PMPCB: variants seen among roughly 807,000 people sequenced by gnomAD.
The protein encoded by PMPCB is peptidase, mitochondrial processing subunit beta.
A neutral mutation model predicts 61.5 loss-of-function variants in PMPCB; 46 were observed. The observed-to-expected ratio is 0.75, with a 90% CI of 0.59 to 0.96. The LOEUF (loss-of-function observed/expected upper bound fraction) is 0.96. PMPCB is among the 40% of genes least tolerant of loss of function. The pLI is 0.00. For missense variants in PMPCB, 590 were observed against 602.4 expected, an observed-to-expected ratio of 0.98 and a Z score of 0.22; for synonymous variants, 191 against 201.6, an observed-to-expected ratio of 0.95 and a Z score of 0.44.
At chr7:103,310,231 A>G in intron 8 of PMPCB, 84 bp from the exon 9 acceptor site, 1 of 982,370 alleles carries the variant, frequency 1.0e-6, no homozygotes, top group Non-Finnish European at 1.6e-6. Flanking sequence ...AAGGATATTC[A>G]CTATTTTCCA....
At position 103,322,163 on chromosome 7, in the gene PMPCB, T is replaced by A. The variant is rs1818455871; in HGVS notation, c.*1432-6768T>A. 7 of 1,055,624 alleles carry A rather than the reference T, an allele frequency of 6.6e-6. No homozygotes were observed. The South Asian group carries it at 1.8e-4, about 27-fold the overall frequency. 65.4% of individuals were successfully genotyped at this position (1,055,624 alleles called of 1,614,324 possible). On this transcript the variant is annotated intron_variant and NMD_transcript_variant, in intron 12 of 12. Coordinates refer to the PMPCB transcript ENST00000444457. ...TTATAATTTTAAAAATTTAAACTTT[T>A]AATAAATTATATTAGGAAAAAAGGC...
At chr7:103,322,398 C>G (rs1818469192) in intron 12 of PMPCB, 1 of 1,112,940 alleles carries the variant, frequency 9.0e-7, no homozygotes. Context: ...ACAGTAGCAC[C>G]CAATTCTCTG....
At chr7:103,324,410 ACAAT>A (rs1055699961) in intron 12 of PMPCB, 6 of 1,289,462 alleles carry the variant, frequency 4.7e-6, no homozygotes, top group South Asian at 1.6e-5. Flanking sequence ...TAATTTATAA[ACAAT>A]CAAGTACTTA....
At chr7:103,341,961 T>TTG in the PMPCB span, 1 of 1,558,988 alleles carries the variant, frequency 6.4e-7, no homozygotes, top group Non-Finnish European at 8.7e-7. Context: ...GAGGCTGTGA[T>TTG]TGAAAGTGTT....
chr7:103,323,630 A>G, intron 12 of PMPCB: 3 of 1,461,572 alleles, frequency 2.1e-6, no homozygotes, highest in Non-Finnish European at 9.3e-7. Flanking sequence ...CTTCATCTAA[A>G]TAAGAAAATT....
chr7:103,341,989 A>G, the PMPCB span: 1 of 1,447,258 alleles, frequency 6.9e-7, no homozygotes, highest in East Asian at 2.4e-5. Flanking sequence ...GCTTCAGTGT[A>G]TCGCATGGAA....
downstream of PMPCB, chr7:103,314,817 T>C (rs1031842300): frequency 5.5e-6 from 1 of 182,554 alleles, no homozygotes; most frequent in Non-Finnish European, 1.0e-5. Flanking sequence ...CTGGGACTCT[T>C]AGAAGAAAGA....
intron 12 of PMPCB, chr7:103,322,793 G>A: frequency 6.2e-7 from 1 of 1,600,958 alleles, no homozygotes; most frequent in Non-Finnish European, 8.5e-7. Flanking sequence ...CTCTCATCAC[G>A]ACTATAAAAT....
chr7:103,323,436 T>A (rs1397705070), intron 12 of PMPCB, among the ~76,000 whole-genome samples: 1 of 152,216 alleles, frequency 6.6e-6, no homozygotes, highest in Non-Finnish European at 1.5e-5. Flanking sequence ...TGGGCCCACC[T>A]AGTTTAACTT....
rs763994115 is a variant in PMPCB at position 103,303,937 on chromosome 7, G to T, written c.553G>T (p.Val185Phe). 2.5e-6 allele frequency: 4 copies of T among 1,613,696 alleles called. No individual in the cohort carries two copies. The highest frequency in any genetic ancestry group is 1.3e-5 in the African/African-American group (1 of 74,922). ...AGTAATCCTTAGAGAGATGCAGGAAGTTGAAACCAATTTACAAGAAGTTGT... is the reference window on the plus strand; with the variant it reads ...AGTAATCCTTAGAGAGATGCAGGAATTTGAAACCAATTTACAAGAAGTTGT... ...RGVILREMQEVETNLQEVVFD... is the reference protein window; with the variant it reads ...RGVILREMQEFETNLQEVVFD... The change falls in exon 5 of 13, where the codon GTT (valine) becomes TTT (phenylalanine). Residue 185 changes from valine to phenylalanine, a missense_variant. Coordinates refer to ENST00000249269, the MANE Select transcript of PMPCB (RefSeq NM_004279.3).
chr7:103,343,033 CTTG>C, the PMPCB span, among the ~76,000 whole-genome samples: 11 of 151,338 alleles, frequency 7.3e-5, no homozygotes, highest in East Asian at 2.0e-3. Flanking sequence ...GAGTTTTGCT[CTTG>C]TTGTCCAGGC....
At chr7:103,315,145 C>T, downstream of PMPCB, among the ~76,000 whole-genome samples, 1 of 147,702 alleles carries the variant, frequency 6.8e-6, no homozygotes, top group South Asian at 2.2e-4. Context: ...AATCACAACA[C>T]CCAAGATAAT....
rs1409393943 is a variant in PMPCB at position 103,313,971 on chromosome 7, G to A, written c.*1700G>A. On this transcript the variant is annotated 3_prime_UTR_variant, in exon 13 of 13. Coordinates refer to ENST00000249269, the MANE Select transcript of PMPCB (RefSeq NM_004279.3). ...TACTACTAGAAACTGCGGCCTGTGA[G>A]ATCTGTTAAAAGTTAAGCCTAGAAA... 1.0e-6 allele frequency: 1 copy of A among 985,246 alleles called. No homozygotes were observed. Among genetic ancestry groups the A allele is most frequent in the Admixed American group, 6.2e-5 (1 of 16,250 alleles). The allele number at this position is 985,246 out of a possible 1,614,324, so 61.0% of individuals were successfully genotyped here.
At chr7:103,329,647 A>T (rs891371004), downstream of PMPCB, 1 of 152,168 alleles carries the variant, frequency 6.6e-6, no homozygotes, top group African/African-American at 2.4e-5. Context: ...TCTTACTGTC[A>T]TTTAATAATC....
At chr7:103,346,133 T>A in the PMPCB span, among the ~76,000 whole-genome samples, 1 of 152,088 alleles carries the variant, frequency 6.6e-6, no homozygotes, top group Admixed American at 6.6e-5. Flanking sequence ...TTTTTGTTTT[T>A]TTGTTGTTTT....
chr7:103,321,533 T>C (rs1017488677), intron 12 of PMPCB, among the ~76,000 whole-genome samples: 1 of 149,940 alleles, frequency 6.7e-6, no homozygotes, highest in East Asian at 2.0e-4. Flanking sequence ...AATAAATAAA[T>C]AAAAATAATT....
intron 6 of PMPCB, among the ~76,000 whole-genome samples, chr7:103,307,176 A>G (rs1471303266): frequency 6.6e-6 from 1 of 151,960 alleles, no homozygotes; most frequent in African/African-American, 2.4e-5. Flanking sequence ...TATAGGCGTG[A>G]GCCACCATGC....
In PMPCB at chr7:103,314,225, TG is replaced by T. The variant is rs1817920130; in HGVS notation, c.*1956del. On this transcript the variant is annotated 3_prime_UTR_variant, in exon 13 of 13. Coordinates refer to ENST00000249269, the MANE Select transcript of PMPCB (RefSeq NM_004279.3). ...TTTATTTCCTCTCTTGGAAAAAAGA[TG>T]GAAGTGACATGGCAGTATTTCCTGC... 1 of 985,298 alleles carries T rather than the reference TG, an allele frequency of 1.0e-6. No individual in the cohort carries two copies. The highest frequency in any genetic ancestry group is 1.2e-6 in the Non-Finnish European group (1 of 829,918). 61.0% of individuals were successfully genotyped at this position (985,298 alleles called of 1,614,324 possible).
chr7:103,308,732 G>A (rs972902225), intron 7 of PMPCB, among the ~76,000 whole-genome samples: 2 of 152,152 alleles, frequency 1.3e-5, no homozygotes, highest in African/African-American at 4.8e-5. Flanking sequence ...CCTGTCTGTA[G>A]TAAAATGCTT....
Sources: allele counts gnomAD v4.1 joint callset (sites outside exome capture counted in the v4.1 genomes callset), GRCh38; gene constraint gnomAD v4.1.1; transcripts MANE v1.5; gene names NCBI Gene and HGNC (gene_info 2026-07-23, HGNC 2026-07-21).